NUP58: variants seen among roughly 807,000 people sequenced by gnomAD.
The protein encoded by NUP58 is nucleoporin 58, also known as nucleoporin p58/p45.
A neutral mutation model predicts 70.1 loss-of-function variants in NUP58; 17 were observed. The ratio of observed to expected loss-of-function variants is 0.24; its 90% CI spans 0.17 to 0.36. NUP58 has a LOEUF of 0.36. Ranked by LOEUF, NUP58 falls within the 10% of genes least tolerant of loss-of-function variation. The pLI is 1.00. For missense variants in NUP58, 644 were observed against 701.5 expected, an observed-to-expected ratio of 0.92 and a Z score of 0.93; for synonymous variants, 275 against 257.6, an observed-to-expected ratio of 1.07 and a Z score of -0.65.
At position 25,305,142 on chromosome 13, in the gene NUP58, T is replaced by TGTTTGTTTG. The variant is rs1320913716; in HGVS notation, c.108-2664_108-2663insGTTTGTTTG. Among the ~76,000 whole-genome samples the TGTTTGTTTG allele has an allele frequency of 3.6e-3, 46 of 12,908 alleles. 1 individual carries two copies. The highest frequency in any genetic ancestry group is 0.015 in the South Asian group (6 of 394). 8.5% of individuals were successfully genotyped at this position (12,908 alleles called of 152,430 possible). On this transcript the variant is annotated intron_variant, in intron 1 of 15. Coordinates refer to ENST00000381736, the MANE Select transcript of NUP58 (RefSeq NM_014089.4). Reference sequence around the variant, plus strand: ...AAAGATCTGTGGGGTTTTTTTTTTTTTTTTTTTTTTTTTTTTTTTGAGACA... The same window carrying TGTTTGTTTG: ...AAAGATCTGTGGGGTTTTTTTTTTTTGTTTGTTTGTTTTTTTTTTTTTTTTTTTGAGACA...
chr13:25,345,205 T>C (rs987317696), downstream of NUP58, among the ~76,000 whole-genome samples: 4 of 151,260 alleles, frequency 2.6e-5, no homozygotes, highest in African/African-American at 9.9e-5. Context: ...AGCAACTTAC[T>C]TGAGGTCGCA....
At chr13:25,332,124 A>G in intron 13 of NUP58, 1 of 989,980 alleles carries the variant, frequency 1.0e-6, no homozygotes, top group African/African-American at 1.7e-5. Context: ...AAGATGATAC[A>G]TGCTAGAATT....
At chr13:25,317,493 A>G (rs949174011) in intron 6 of NUP58, among the ~76,000 whole-genome samples, 2 of 152,204 alleles carry the variant, frequency 1.3e-5, no homozygotes, top group African/African-American at 4.8e-5. Context: ...TTGGGGGTCC[A>G]TGGTAATCAG....
At chr13:25,345,379 G>A (rs1307030752), downstream of NUP58, among the ~76,000 whole-genome samples, 1 of 33,612 alleles carries the variant, frequency 3.0e-5, no homozygotes, top group African/African-American at 6.0e-5. Flanking sequence ...GAAACTACAA[G>A]TATGTGATAG....
Position 25,321,112 on chromosome 13 carries a change from AT to A in NUP58, c.951+23del. Reference sequence around the variant, plus strand: ...TGCTCAGGTATACCAACTTATGGCCATTTTACCGTAGGGTTTTTTTGTTTTG... The same window carrying A: ...TGCTCAGGTATACCAACTTATGGCCATTTACCGTAGGGTTTTTTTGTTTTG... On this transcript the variant is annotated intron_variant, in intron 9 of 15. Coordinates refer to ENST00000381736, the MANE Select transcript of NUP58 (RefSeq NM_014089.4). The A allele has an allele frequency of 1.3e-6, 2 of 1,552,960 alleles. No homozygotes were observed. The highest frequency in any genetic ancestry group is 2.3e-5 in the Admixed American group (1 of 43,586).
At chr13:25,323,368 T>C (rs2031263569) in intron 9 of NUP58, among the ~76,000 whole-genome samples, 2 of 39,362 alleles carry the variant, frequency 5.1e-5, no homozygotes, top group Admixed American at 7.9e-4. Context: ...ACTTAAAAAA[T>C]AAAATTAAAT....
Position 25,341,237 on chromosome 13 carries a change from AT to A in NUP58, c.*1107del, listed in dbSNP as rs2031946147. 1 of 152,494 alleles carries A rather than the reference AT, an allele frequency of 6.6e-6. No homozygotes were observed. The highest frequency in any genetic ancestry group is 2.4e-5 in the African/African-American group (1 of 41,406). The allele number at this position is 152,494 out of a possible 1,614,324, so 9.4% of individuals were successfully genotyped here. On this transcript the variant is annotated 3_prime_UTR_variant, in exon 16 of 16. Coordinates refer to ENST00000381736, the MANE Select transcript of NUP58 (RefSeq NM_014089.4). Reference sequence around the variant, plus strand: ...AAGACTCATCAAACAGATTTTAACCATTTTATTATCCTGTGTGTCCTTACAT... The same window carrying A: ...AAGACTCATCAAACAGATTTTAACCATTTATTATCCTGTGTGTCCTTACAT...
chr13:25,328,628 T>C (rs562099847), intron 12 of NUP58, among the ~76,000 whole-genome samples: 1 of 152,174 alleles, frequency 6.6e-6, no homozygotes, highest in Non-Finnish European at 1.5e-5. Flanking sequence ...AACTACTAAA[T>C]TCAGGCAATC....
chr13:25,333,268 C>G, intron 13 of NUP58: 1 of 985,200 alleles, frequency 1.0e-6, no homozygotes, highest in Non-Finnish European at 1.2e-6. Flanking sequence ...GTGCTGGGCT[C>G]GAGGAATACA....
Position 25,331,408 on chromosome 13 carries a change from G to A in NUP58, c.1285G>A (p.Val429Ile). The A allele has an allele frequency of 1.2e-6, 2 of 1,614,168 alleles. No individual in the cohort carries two copies. The highest frequency in any genetic ancestry group is 4.5e-5 in the East Asian group (2 of 44,880). Residue 429 changes from valine (V) to isoleucine (I), a missense_variant, in exon 13 of 16, where the codon GTT (valine) becomes ATT (isoleucine). Around this residue, in one of 4 missense-constraint regions of NUP58, gnomAD observed 78 missense variants for 71.3 expected, o/e 1.09. Transcript: ENST00000381736. Reference sequence around the variant, plus strand: ...CAGGAAAATGTTCTTGGGAGATGCTGTTGATGTGTTTGAAACAAGGCGAGC... The same window carrying A: ...CAGGAAAATGTTCTTGGGAGATGCTATTGATGTGTTTGAAACAAGGCGAGC... ...GYRKMFLGDA[V>I]DVFETRRAEA... is the part of the protein sequence containing the mutation.
At chr13:25,343,207 T>G (rs2031999388), downstream of NUP58, among the ~76,000 whole-genome samples, 2 of 151,986 alleles carry the variant, frequency 1.3e-5, no homozygotes, top group South Asian at 4.1e-4. Context: ...CATAGTCCAT[T>G]GTATCATTCT....
At chr13:25,336,462 G>T (rs927167388) in intron 13 of NUP58, 5 of 398,068 alleles carry the variant, frequency 1.3e-5, no homozygotes, top group South Asian at 1.2e-4. Flanking sequence ...TGCCATGTTA[G>T]TGTCAGTCTC....
At chr13:25,325,348 A>G (rs1043181729) in intron 10 of NUP58, among the ~76,000 whole-genome samples, 1 of 152,176 alleles carries the variant, frequency 6.6e-6, no homozygotes, top group Non-Finnish European at 1.5e-5. Flanking sequence ...CCATTTTATT[A>G]AATTTTACTG....
downstream of NUP58, among the ~76,000 whole-genome samples, chr13:25,343,434 C>A (rs2032003616): frequency 1.3e-5 from 2 of 151,336 alleles, no homozygotes; most frequent in South Asian, 4.2e-4. Flanking sequence ...TCTCCCAATC[C>A]CATCCAGGCT....
At chr13:25,323,965 A>G (rs535542530) in intron 9 of NUP58, among the ~76,000 whole-genome samples, 15 of 152,290 alleles carry the variant, frequency 9.8e-5, no homozygotes, top group South Asian at 4.1e-4. Context: ...CATTTTTATC[A>G]TCTGTCCAGT....
At chr13:25,330,617 G>T (rs950553156) in intron 12 of NUP58, among the ~76,000 whole-genome samples, 5 of 152,194 alleles carry the variant, frequency 3.3e-5, no homozygotes, top group Admixed American at 2.6e-4. Flanking sequence ...AAGTGAAACA[G>T]AATTGTTGCT....
Position 25,341,073 on chromosome 13 carries a change from C to T in NUP58, c.*939C>T, listed in dbSNP as rs897166362. The T allele has an allele frequency of 6.6e-6, 1 of 152,142 alleles. No homozygotes were observed. Among genetic ancestry groups the T allele is most frequent in the Non-Finnish European group, 1.5e-5 (1 of 68,036 alleles). The allele number at this position is 152,142 out of a possible 1,614,324, so 9.4% of individuals were successfully genotyped here. On this transcript the variant is annotated 3_prime_UTR_variant, in exon 16 of 16. Transcript: ENST00000381736. ...TGAGCTTAGAGGTACCAGGTCATTG[C>T]AGTTGTTTGCTTAAAGACTTATTGA...
At chr13:25,303,525 C>G (rs932037958) in intron 1 of NUP58, among the ~76,000 whole-genome samples, 2 of 151,830 alleles carry the variant, frequency 1.3e-5, no homozygotes, top group Non-Finnish European at 2.9e-5. Context: ...AAAGCCTGTC[C>G]TAGCAACATG....
intron 10 of NUP58, among the ~76,000 whole-genome samples, 176 bp downstream of exon 10, chr13:25,325,244 C>T (rs561662608): frequency 2.0e-5 from 3 of 152,166 alleles, no homozygotes; most frequent in African/African-American, 7.2e-5. Context: ...CCATTAACAC[C>T]ATTTGACTGC....
Sources: allele counts gnomAD v4.1 joint callset (sites outside exome capture counted in the v4.1 genomes callset), GRCh38; gene constraint gnomAD v4.1.1; regional missense constraint gnomAD v4.1.1; transcripts MANE v1.5; gene names NCBI Gene and HGNC (gene_info 2026-07-23, HGNC 2026-07-21).